RELN: variants seen among roughly 807,000 people sequenced by gnomAD.
RELN encodes the protein reelin.
RELN carries 108 observed loss-of-function variants against 427.6 expected under a neutral mutation model. That is an observed-to-expected ratio of 0.25 (90% CI 0.22 to 0.30). RELN has a LOEUF of 0.30. RELN is among the 10% of genes least tolerant of loss of function. The pLI is 1.00. For missense variants in RELN, 3,715 were observed against 4,302.8 expected (o/e 0.86, Z 3.82); for synonymous variants, 1,524 against 1,513.4 (o/e 1.01, Z -0.16).
rs1042549436 is a variant in RELN, at chr7:103,489,993, G to A, written c.9606-94C>T. The A allele has an allele frequency of 3.5e-6, 5 of 1,445,628 alleles. No individual in the cohort carries two copies. In the African/African-American group the frequency reaches 4.2e-5, roughly 12 times the overall value. The allele number at this position is 1,445,628 out of a possible 1,614,324, so 89.6% of individuals were successfully genotyped here. On this transcript the variant is annotated intron_variant, in intron 59 of 64. Transcript: ENST00000428762. ...GCCTCTGGGAGAGGGGACTATTTGTGAGAAAAGGGCTTCCCAAATGTCTTC... is the reference window on the plus strand; with the variant it reads ...GCCTCTGGGAGAGGGGACTATTTGTAAGAAAAGGGCTTCCCAAATGTCTTC...
chr7:103,822,135 T>A (rs1793030306), intron 3 of RELN, among the ~76,000 whole-genome samples: 1 of 152,200 alleles, frequency 6.6e-6, no homozygotes, highest in East Asian at 1.9e-4. Context: ...ATATGTGGCT[T>A]ACATTTTTTT....
chr7:103,921,296 TAA>T (rs1197512738), intron 1 of RELN, among the ~76,000 whole-genome samples: 1 of 152,206 alleles, frequency 6.6e-6, no homozygotes, highest in Non-Finnish European at 1.5e-5. Context: ...AATCATTAAA[TAA>T]TAATCTAGTG....
At chr7:103,500,666 TTA>T in intron 53 of RELN, 77 bp downstream of exon 53, 1 of 1,428,928 alleles carries the variant, frequency 7.0e-7, no homozygotes, top group South Asian at 1.2e-5. Context: ...TTGTTATAGA[TTA>T]TGTCTCATAC....
At chr7:103,763,156 G>C (rs1306814569) in intron 4 of RELN, among the ~76,000 whole-genome samples, 3 of 152,186 alleles carry the variant, frequency 2.0e-5, no homozygotes, top group African/African-American at 7.2e-5. Flanking sequence ...CCAACTCTGA[G>C]TTTTGTTAGG....
Position 103,823,877 on chromosome 7 carries a change from T to C in RELN, c.473+9660A>G, listed in dbSNP as rs544229435. On this transcript the variant is annotated intron_variant, in intron 3 of 64. Transcript: ENST00000428762. ...GCCATGTGCGGTAAAAATACCAAAC[T>C]GCATTTTTAAAAAATTTATCTTGTT... Among the ~76,000 whole-genome samples, 13 of 112,354 alleles carry C rather than the reference T, an allele frequency of 1.2e-4. 1 individual carries two copies. In the East Asian group the frequency reaches 3.3e-3, roughly 28 times the overall value. The allele number at this position is 112,354 out of a possible 152,430, so 73.7% of individuals were successfully genotyped here.
chr7:103,649,568 T>C lies in RELN; in HGVS notation c.2002+706A>G, dbSNP rs547825936. On this transcript the variant is annotated intron_variant, in intron 16 of 64. Transcript: ENST00000428762. The stretch of plus-strand genomic sequence containing the variant: ...ACTACATTTGTACCCACTGAATCCT[T>C]AAAAATAAAAATAAAAATAGAAAGA... Among the ~76,000 whole-genome samples, 9 of 151,984 alleles carry C rather than the reference T, an allele frequency of 5.9e-5. No individual in the cohort carries two copies. In the South Asian group the frequency reaches 1.9e-3, roughly 32 times the overall value.
At chr7:103,887,019 T>C (rs1794739223) in intron 2 of RELN, among the ~76,000 whole-genome samples, 1 of 152,214 alleles carries the variant, frequency 6.6e-6, no homozygotes, top group Non-Finnish European at 1.5e-5. Context: ...GATGTATATA[T>C]CCAGATTACT....
At chr7:103,896,371 A>C (rs968065277) in intron 2 of RELN, among the ~76,000 whole-genome samples, 10 of 152,120 alleles carry the variant, frequency 6.6e-5, no homozygotes, top group South Asian at 2.1e-4. Flanking sequence ...TGTTCACAGC[A>C]GCTGTATGCA....
chr7:103,666,269 G>A (rs1833265245), intron 11 of RELN, among the ~76,000 whole-genome samples: 1 of 151,780 alleles, frequency 6.6e-6, no homozygotes, highest in Non-Finnish European at 1.5e-5. Context: ...ATGATGTTTT[G>A]TCACGTTGCC....
chr7:103,494,395 G>C (rs1443805328), intron 57 of RELN, among the ~76,000 whole-genome samples: 6 of 150,932 alleles, frequency 4.0e-5, no homozygotes, highest in Admixed American at 2.0e-4. Context: ...GTGTGTGTGG[G>C]ATATGGTCTT....
intron 2 of RELN, among the ~76,000 whole-genome samples, chr7:103,895,235 T>C (rs1247048337): frequency 2.6e-5 from 4 of 152,088 alleles, no homozygotes; most frequent in Non-Finnish European, 5.9e-5. Flanking sequence ...GTACATCTTC[T>C]GGGCAAATTG....
chr7:103,978,288 T>C (rs1796922628), intron 1 of RELN, among the ~76,000 whole-genome samples: 1 of 152,196 alleles, frequency 6.6e-6, no homozygotes, highest in Non-Finnish European at 1.5e-5. Flanking sequence ...TCAACTTTTT[T>C]CAGATTCCAC....
At chr7:103,505,193 T>C (rs1352040412) in intron 51 of RELN, among the ~76,000 whole-genome samples, 1 of 152,164 alleles carries the variant, frequency 6.6e-6, no homozygotes, top group Admixed American at 6.5e-5. Context: ...GCAGCGGTTC[T>C]CTCAGCACAG....
intron 6 of RELN, among the ~76,000 whole-genome samples, chr7:103,747,204 A>G (rs1483858746): frequency 1.3e-5 from 2 of 149,866 alleles, no homozygotes; most frequent in African/African-American, 2.5e-5. Flanking sequence ...ACAGGTAGTA[A>G]TTAAACAATG....
At chr7:103,662,625 C>CAAAAAAAAAAAAAAAAA (rs747230376) in intron 11 of RELN, among the ~76,000 whole-genome samples, 1 of 77,350 alleles carries the variant, frequency 1.3e-5, no homozygotes, top group Non-Finnish European at 2.5e-5. Flanking sequence ...GACTCCGTCA[C>CAAAAAAAAAAAAAAAAA]AAAAAAAAAA....
At chr7:103,656,777 A>G (rs1036313093) in intron 12 of RELN, among the ~76,000 whole-genome samples, 13 of 152,204 alleles carry the variant, frequency 8.5e-5, no homozygotes, top group African/African-American at 3.1e-4. Context: ...TAATAATAAC[A>G]TAAGGGTAAA....
rs534882064 is a variant in RELN, at chr7:103,682,209, C to T, written c.1196G>A (p.Ser399Asn). Reference protein sequence around the residue: ...NSIYFHGNEGSEFNFATTRDV... With the variant: ...NSIYFHGNEGNEFNFATTRDV... ...CCTGGTGGTGGCAAAATTGAACTCGCTGCCTTCATTTCCATGGAAATAAAT... is the reference window on the plus strand; with the variant it reads ...CCTGGTGGTGGCAAAATTGAACTCGTTGCCTTCATTTCCATGGAAATAAAT... The change falls in exon 11 of 65, where the codon AGC (serine) becomes AAC (asparagine). Residue 399 changes from serine (S) to asparagine (N), a missense_variant. Coordinates refer to ENST00000428762, the MANE Select transcript of RELN (RefSeq NM_005045.4). 1 of 1,614,052 alleles carries T rather than the reference C, an allele frequency of 6.2e-7. No homozygotes were observed. Among genetic ancestry groups the T allele is most frequent in the Admixed American group, 1.7e-5 (1 of 60,012 alleles).
In RELN at chr7:103,566,602, A is replaced by T; in HGVS notation, c.4746T>A (p.His1582Gln). The T allele has an allele frequency of 6.2e-7, 1 of 1,614,142 alleles. No individual in the cohort carries two copies. Among genetic ancestry groups the T allele is most frequent in the East Asian group, 2.2e-5 (1 of 44,884 alleles). Reference protein sequence around the residue: ...ATAFRWWQPQHGKHSAQWALD... With the variant: ...ATAFRWWQPQQGKHSAQWALD... ...AAGCTGGAGTGAGCAGTAACTTACCATGTTGCGGTTGCCACCATCGAAATG... is the reference window on the plus strand; with the variant it reads ...AAGCTGGAGTGAGCAGTAACTTACCTTGTTGCGGTTGCCACCATCGAAATG... The change falls in exon 32 of 65, where the codon CAT (histidine) becomes CAA (glutamine). Residue 1582 changes from histidine to glutamine, a missense_variant and splice_region_variant. Physicochemically the swap from His to Gln is conservative, Grantham distance 24 (BLOSUM62 0). This residue lies in a region of RELN where 2,208 missense variants were observed against 2,361.7 expected (regional missense o/e 0.93). Transcript: ENST00000428762.
chr7:103,541,294 G>C (rs1027342304), intron 43 of RELN, among the ~76,000 whole-genome samples: 4 of 152,188 alleles, frequency 2.6e-5, no homozygotes, highest in African/African-American at 9.7e-5. Flanking sequence ...GTCTGGCCAC[G>C]ATGCTAGCTG....
Sources: gnomAD v4.1 joint callset for allele counts (sites outside exome capture counted in the v4.1 genomes callset) on GRCh38, gnomAD v4.1.1 for gene constraint, gnomAD v4.1.1 regional missense constraint, MANE v1.5 for transcripts, NCBI Gene and HGNC (gene_info 2026-07-23, HGNC 2026-07-21) for gene names.